Variants in ABTB3 observed in about 807,000 individuals in gnomAD.
ABTB3 encodes ankyrin repeat and BTB domain containing 3.
At chr12:107,581,277 G>C in the ABTB3 span, 2 of 1,474,636 alleles carry the variant, frequency 1.4e-6, no homozygotes, top group Non-Finnish European at 8.9e-7. Context: ...CTGCTGCCCG[G>C]CGTGGACTGC....
the ABTB3 span, among the ~76,000 whole-genome samples, chr12:107,625,637 A>T: frequency 6.6e-6 from 1 of 152,082 alleles, no homozygotes; most frequent in African/African-American, 2.4e-5. Flanking sequence ...TGGCCTCATG[A>T]CTACTGGGCA....
chr12:107,576,776 G>A, the ABTB3 span, among the ~76,000 whole-genome samples: 84 of 152,062 alleles, frequency 5.5e-4, no homozygotes, highest in African/African-American at 1.8e-3. Flanking sequence ...TCTTTACCAC[G>A]TCTCCAACCT....
the ABTB3 span, among the ~76,000 whole-genome samples, chr12:107,611,052 C>T: frequency 6.6e-6 from 1 of 152,168 alleles, no homozygotes; most frequent in Non-Finnish European, 1.5e-5. Flanking sequence ...TATTTAACTA[C>T]AGCTATAATA....
At chr12:107,500,974 C>T in the ABTB3 span, among the ~76,000 whole-genome samples, 1 of 152,168 alleles carries the variant, frequency 6.6e-6, no homozygotes, top group Admixed American at 6.6e-5. Context: ...ATTCTGAAGC[C>T]AAACAGACTA....
chr12:107,659,545 C>T, the ABTB3 span: 1 of 152,242 alleles, frequency 6.6e-6, no homozygotes, highest in South Asian at 2.1e-4. Flanking sequence ...TAGTTCAGGG[C>T]CTCCAGGCAT....
At chr12:107,487,673 G>A in the ABTB3 span, among the ~76,000 whole-genome samples, 1 of 152,262 alleles carries the variant, frequency 6.6e-6, no homozygotes, top group African/African-American at 2.4e-5. Flanking sequence ...CTCCAGTAGG[G>A]TTGATCTTCA....
the ABTB3 span, among the ~76,000 whole-genome samples, chr12:107,457,406 A>G: frequency 6.6e-6 from 1 of 152,236 alleles, no homozygotes; most frequent in Non-Finnish European, 1.5e-5. Context: ...TAGACTCCGA[A>G]GTTTTATTAA....
At chr12:107,331,891 C>G in the ABTB3 span, among the ~76,000 whole-genome samples, 5 of 152,334 alleles carry the variant, frequency 3.3e-5, no homozygotes, top group South Asian at 2.1e-4. Flanking sequence ...GGCCTCCCCC[C>G]CGCCCCACCT....
chr12:107,565,237 T>C, the ABTB3 span, among the ~76,000 whole-genome samples: 1 of 152,152 alleles, frequency 6.6e-6, no homozygotes, highest in African/African-American at 2.4e-5. Context: ...GCTACAGCTG[T>C]GGCTGCAGGA....
At chr12:107,596,868 G>A in the ABTB3 span, among the ~76,000 whole-genome samples, 1 of 152,114 alleles carries the variant, frequency 6.6e-6, no homozygotes, top group South Asian at 2.1e-4. Context: ...GGCTCTTTGA[G>A]AATCGCTGGG....
chr12:107,482,920 CTTTCTTTCTTTCTTTCT>C, the ABTB3 span, among the ~76,000 whole-genome samples: 2 of 35,636 alleles, frequency 5.6e-5, no homozygotes, highest in African/African-American at 3.4e-4. Context: ...CTTCTTCTTT[CTTTCTTTCTTTCTTTCT>C]TTCTTTCTTT....
the ABTB3 span, among the ~76,000 whole-genome samples, chr12:107,432,136 A>T: frequency 1.3e-5 from 2 of 152,142 alleles, no homozygotes; most frequent in Non-Finnish European, 2.9e-5. Context: ...GTCTAACCCT[A>T]TTGAGGTTAA....
chr12:107,628,449 A>C, the ABTB3 span, among the ~76,000 whole-genome samples: 1 of 152,142 alleles, frequency 6.6e-6, no homozygotes, highest in African/African-American at 2.4e-5. Flanking sequence ...GGCCAAAGTG[A>C]GTTTCTTGAC....
At chr12:107,333,037 C>T in the ABTB3 span, among the ~76,000 whole-genome samples, 17 of 152,122 alleles carry the variant, frequency 1.1e-4, no homozygotes, top group Non-Finnish European at 1.5e-4. Flanking sequence ...CATTTCAGCC[C>T]ACGGTTGTTA....
chr12:107,388,879 G>T, the ABTB3 span, among the ~76,000 whole-genome samples: 1 of 152,220 alleles, frequency 6.6e-6, no homozygotes, highest in African/African-American at 2.4e-5. Flanking sequence ...AGGAGCCAGG[G>T]TTTCCTCTTC....
At chr12:107,452,175 C>T in the ABTB3 span, among the ~76,000 whole-genome samples, 1 of 150,046 alleles carries the variant, frequency 6.7e-6, no homozygotes, top group African/African-American at 2.4e-5. Flanking sequence ...GTGACCCAGA[C>T]AGATGAAAAG....
chr12:107,336,033 T>C, the ABTB3 span, among the ~76,000 whole-genome samples: 1 of 152,218 alleles, frequency 6.6e-6, no homozygotes, highest in Non-Finnish European at 1.5e-5. Flanking sequence ...CAAAGCTTGT[T>C]CGTGTTCCTC....
At chr12:107,334,652 A>G in the ABTB3 span, among the ~76,000 whole-genome samples, 1 of 152,158 alleles carries the variant, frequency 6.6e-6, no homozygotes, top group African/African-American at 2.4e-5. Flanking sequence ...TGGTTTGGAG[A>G]TAAAAATTTG....
At chr12:107,432,010 C>A in the ABTB3 span, among the ~76,000 whole-genome samples, 1 of 152,226 alleles carries the variant, frequency 6.6e-6, no homozygotes, top group Non-Finnish European at 1.5e-5. Context: ...TTATTTACTG[C>A]ATGCTGTTTG....
Sources: gnomAD v4.1 joint callset for allele counts (sites outside exome capture counted in the v4.1 genomes callset) on GRCh38, gnomAD v4.1.1 for gene constraint, MANE v1.5 for transcripts, NCBI Gene and HGNC (gene_info 2026-07-23, HGNC 2026-07-21) for gene names.